PCLO: variants seen among roughly 807,000 people sequenced by gnomAD.
PCLO encodes the protein piccolo presynaptic cytomatrix protein, also known as protein piccolo.
PCLO carries 82 observed loss-of-function variants against 427.5 expected under a neutral mutation model. The ratio of observed to expected loss-of-function variants is 0.19; its 90% CI spans 0.16 to 0.23. The LOEUF (loss-of-function observed/expected upper bound fraction) is 0.23. PCLO is among the 10% of genes least tolerant of loss of function. The pLI is 1.00. For missense variants in PCLO, 6,239 were observed against 6,115.9 expected (o/e 1.02, Z -0.67); for synonymous variants, 2,357 against 2,155.4 (o/e 1.09, Z -2.59).
chr7:82,832,140 T>A (rs1277436628), intron 16 of PCLO, among the ~76,000 whole-genome samples: 1 of 152,172 alleles, frequency 6.6e-6, no homozygotes, highest in Non-Finnish European at 1.5e-5. Context: ...ATCTAATAAT[T>A]AAAGAAGTTT....
rs552176022 is a variant in PCLO at position 82,764,396 on chromosome 7, A to G, written c.15008-2903T>C. Among the ~76,000 whole-genome samples the G allele has an allele frequency of 4.6e-5, 7 of 152,094 alleles. No homozygotes were observed. In the South Asian group the frequency reaches 1.4e-3, roughly 32 times the overall value. ...AGTGGAGAAATATCATCAATATGACATAACATACACAATGATTATAAAATA... is the reference window on the plus strand; with the variant it reads ...AGTGGAGAAATATCATCAATATGACGTAACATACACAATGATTATAAAATA... On this transcript the variant is annotated intron_variant, in intron 22 of 24. Transcript: ENST00000333891.
chr7:83,140,501 G>A (rs1039676026), intron 2 of PCLO, among the ~76,000 whole-genome samples: 1 of 152,092 alleles, frequency 6.6e-6, no homozygotes, highest in African/African-American at 2.4e-5. Flanking sequence ...ATTTACTCAT[G>A]GTAGTCTTTC....
chr7:82,777,414 A>G (rs1332499870), intron 22 of PCLO, among the ~76,000 whole-genome samples: 2 of 152,190 alleles, frequency 1.3e-5, no homozygotes, highest in East Asian at 3.8e-4. Flanking sequence ...TTTAAAATTC[A>G]TATGAAACCA....
In PCLO at chr7:82,950,781, A is replaced by C. The variant is rs769312182; in HGVS notation, c.9807T>G (p.Phe3269Leu). The C allele has an allele frequency of 2.1e-5, 34 of 1,613,704 alleles. 1 individual carries two copies. The Admixed American group carries it at 5.7e-4, about 27-fold the overall frequency. Reference sequence around the variant, plus strand: ...GGGCTTGCCGCTCTTCTTCTTGCTGAAAGAGAAGGTGTTGCTTCATAGACT... The same window carrying C: ...GGGCTTGCCGCTCTTCTTCTTGCTGCAAGAGAAGGTGTTGCTTCATAGACT... ...ELQSMKQHLL[F>L]QQEEERQAQF... is the part of the protein sequence containing the mutation. Residue 3269 changes from phenylalanine (F) to leucine (L), a missense_variant, in exon 6 of 25, where the codon TTT becomes TTG. Coordinates refer to ENST00000333891, the MANE Select transcript of PCLO (RefSeq NM_033026.6).
At chr7:83,038,954 G>A (rs1028568685) in intron 3 of PCLO, among the ~76,000 whole-genome samples, 1 of 151,924 alleles carries the variant, frequency 6.6e-6, no homozygotes, top group African/African-American at 2.4e-5. Context: ...ATCTCACTGT[G>A]GTTTTGATTT....
At chr7:83,020,609 T>C (rs867168935) in intron 3 of PCLO, among the ~76,000 whole-genome samples, 7 of 152,276 alleles carry the variant, frequency 4.6e-5, no homozygotes, top group African/African-American at 1.7e-4. Context: ...CAAATAATGC[T>C]TGTGCCTTGA....
At chr7:82,968,096 TA>T (rs1223118741) in intron 3 of PCLO, among the ~76,000 whole-genome samples, 1 of 152,244 alleles carries the variant, frequency 6.6e-6, no homozygotes. Flanking sequence ...GCTTAATAAC[TA>T]TGATTATTTT....
At position 83,084,280 on chromosome 7, in the gene PCLO, T is replaced by C. The variant is rs1053947628; in HGVS notation, c.3300+49970A>G. 4.6e-5 allele frequency among the ~76,000 whole-genome samples: 7 copies of C among 151,982 alleles called. No individual in the cohort carries two copies. The East Asian group carries it at 1.2e-3, about 25-fold the overall frequency. On this transcript the variant is annotated intron_variant, in intron 3 of 24. Coordinates refer to ENST00000333891, the MANE Select transcript of PCLO (RefSeq NM_033026.6). ...AGCACCCTATTTAAAAAAAAAAGAA[T>C]GACTATAAATTAATATTTTGAAATG... is the stretch of plus-strand genomic sequence containing the variant.
chr7:82,833,114 T>G (rs1181352483), intron 16 of PCLO, among the ~76,000 whole-genome samples: 1 of 152,164 alleles, frequency 6.6e-6, no homozygotes, highest in Non-Finnish European at 1.5e-5. Flanking sequence ...CTTTAAAATC[T>G]ACTGAAGTAA....
intron 3 of PCLO, among the ~76,000 whole-genome samples, chr7:83,062,390 G>T (rs1789563116): frequency 6.6e-6 from 1 of 152,096 alleles, no homozygotes; most frequent in Non-Finnish European, 1.5e-5. Context: ...ATAATAAAAG[G>T]GAAGGAGCTA....
At position 83,162,824 on chromosome 7, in the gene PCLO, C is replaced by T; in HGVS notation, c.-232G>A. 1 of 574,942 alleles carries T rather than the reference C, an allele frequency of 1.7e-6. No individual in the cohort carries two copies. The highest frequency in any genetic ancestry group is 3.2e-5 in the East Asian group (1 of 31,676). The allele number at this position is 574,942 out of a possible 1,614,324, so 35.6% of individuals were successfully genotyped here. A position where few individuals can be genotyped will look rare whatever the true frequency, so the allele number is the denominator to read the frequency against. On this transcript the variant is annotated 5_prime_UTR_variant, in exon 1 of 25. Coordinates refer to ENST00000333891, the MANE Select transcript of PCLO (RefSeq NM_033026.6). ...TCCATGTTGGACAGCGCCAGGCAAC[C>T]TTTGCAGAAGACACCTCCCGGACGC...
chr7:83,115,262 A>G (rs914489113), intron 3 of PCLO, among the ~76,000 whole-genome samples: 10 of 152,100 alleles, frequency 6.6e-5, no homozygotes, highest in African/African-American at 9.6e-5. Flanking sequence ...AGCAGATACA[A>G]AAGAAAATTG....
intron 21 of PCLO, 145 bp from the exon 22 acceptor site, chr7:82,801,736 A>G (rs933374855): frequency 1.7e-6 from 1 of 598,752 alleles, no homozygotes; most frequent in East Asian, 2.8e-5. Flanking sequence ...TGGACTTGCA[A>G]TAATTATTTG....
chr7:83,151,103 T>C (rs1469565409), intron 2 of PCLO, among the ~76,000 whole-genome samples: 1 of 152,168 alleles, frequency 6.6e-6, no homozygotes, highest in Non-Finnish European at 1.5e-5. Flanking sequence ...CCATAAAATT[T>C]AGGAGTTAGA....
chr7:82,941,751 C>T (rs1462577457), intron 6 of PCLO, among the ~76,000 whole-genome samples: 1 of 152,116 alleles, frequency 6.6e-6, no homozygotes, highest in Non-Finnish European at 1.5e-5. Flanking sequence ...TCTTATATTT[C>T]CAAATATACC....
intron 3 of PCLO, among the ~76,000 whole-genome samples, chr7:83,114,722 G>T (rs1450191750): frequency 6.6e-6 from 1 of 151,984 alleles, no homozygotes; most frequent in South Asian, 2.1e-4. Flanking sequence ...GATTGCATTG[G>T]GCCCATTAGT....
rs1222771632 is a variant in PCLO, at chr7:82,847,178, A to G, written c.13724T>C (p.Ile4575Thr). 4 of 1,604,940 alleles carry G rather than the reference A, an allele frequency of 2.5e-6. No individual in the cohort carries two copies. Among genetic ancestry groups the G allele is most frequent in the Non-Finnish European group, 2.6e-6 (3 of 1,174,312 alleles). The change falls in exon 11 of 25, where the codon ATT becomes ACT. Residue 4575 changes from isoleucine to threonine, a missense_variant. This residue lies in a region of PCLO where 877 missense variants were observed against 925.5 expected (regional missense o/e 0.95). Transcript: ENST00000333891. ...TTCTGCTTCCCCACTTTGCTGACTA[A>G]TGATACTCTGAACTTCTTCATATGT... ...SKTYEEVQSI[I>T]SQQSGEAEIC...
At chr7:83,093,768 C>T (rs1790452604) in intron 3 of PCLO, among the ~76,000 whole-genome samples, 1 of 140,366 alleles carries the variant, frequency 7.1e-6, no homozygotes, top group Non-Finnish European at 1.5e-5. Context: ...GTTGGGATTA[C>T]AGGCATAAGC....
At position 83,144,974 on chromosome 7, in the gene PCLO, T is replaced by C. The variant is rs1791957344; in HGVS notation, c.1894-9318A>G. 4.6e-5 allele frequency among the ~76,000 whole-genome samples: 7 copies of C among 152,188 alleles called. No individual in the cohort carries two copies. The South Asian group carries it at 1.4e-3, about 32-fold the overall frequency. ...AAGTGTCATATTTCTGTAAATGGTA[T>C]TGCAAGTGATTTTTTTATTAGAGAG... On this transcript the variant is annotated intron_variant, in intron 2 of 24. Coordinates refer to ENST00000333891, the MANE Select transcript of PCLO (RefSeq NM_033026.6).
Sources: gnomAD v4.1 joint callset for allele counts (sites outside exome capture counted in the v4.1 genomes callset) on GRCh38, gnomAD v4.1.1 for gene constraint, gnomAD v4.1.1 regional missense constraint, MANE v1.5 for transcripts, NCBI Gene and HGNC (gene_info 2026-07-23, HGNC 2026-07-21) for gene names.